Variants in MCC observed in about 807,000 individuals in gnomAD.
MCC encodes colorectal mutant cancer protein.
A neutral mutation model predicts 116.2 loss-of-function variants in MCC; 90 were observed. The ratio of observed to expected loss-of-function variants is 0.77; its 90% CI spans 0.65 to 0.92. The LOEUF is 0.92. Among genes scored for constraint, MCC ranks in the 40% least tolerant of loss-of-function variants. The pLI is 0.00. For synonymous variants in MCC, 578 were observed against 510.5 expected (o/e 1.13, Z -1.78); for missense variants, 1,516 against 1,312.2 (o/e 1.16, Z -2.40).
chr5:113,338,551 G>C (rs554698874), intron 3 of MCC, among the ~76,000 whole-genome samples: 1 of 152,198 alleles, frequency 6.6e-6, no homozygotes. Flanking sequence ...AAAACTGGTC[G>C]GCCATGAACC....
intron 6 of MCC, among the ~76,000 whole-genome samples, chr5:113,117,186 C>T (rs1305118838): frequency 6.6e-6 from 1 of 152,206 alleles, no homozygotes; most frequent in Non-Finnish European, 1.5e-5. Context: ...CTGCCCCGAC[C>T]CTCTCTCCTC....
chr5:113,067,900 G>T (rs1214534633), intron 13 of MCC, among the ~76,000 whole-genome samples, 180 bp downstream of exon 13: 1 of 152,230 alleles, frequency 6.6e-6, no homozygotes, highest in Non-Finnish European at 1.5e-5. Context: ...TTCCACTCCA[G>T]TTCTTGCTGC....
chr5:113,111,575 G>A (rs1296430657), intron 6 of MCC, among the ~76,000 whole-genome samples: 1 of 152,156 alleles, frequency 6.6e-6, no homozygotes, highest in East Asian at 1.9e-4. Context: ...TATAGTTCAA[G>A]TTTATTCCCA....
intron 3 of MCC, among the ~76,000 whole-genome samples, chr5:113,293,219 C>G (rs1766576483): frequency 6.6e-6 from 1 of 151,776 alleles, no homozygotes; most frequent in African/African-American, 2.4e-5. Context: ...CCCCTCTTTC[C>G]CATCACCAGG....
intron 1 of MCC, among the ~76,000 whole-genome samples, chr5:113,463,586 A>G (rs908406186): frequency 6.6e-6 from 1 of 152,210 alleles, no homozygotes; most frequent in African/African-American, 2.4e-5. Flanking sequence ...TCACTGAGAG[A>G]GCAAGCCTGG....
intron 17 of MCC, among the ~76,000 whole-genome samples, chr5:113,042,305 C>CAAAAAAA (rs59401267): frequency 5.6e-5 from 5 of 89,504 alleles, no homozygotes; most frequent in East Asian, 3.1e-4. Context: ...GACCCTGTCT[C>CAAAAAAA]AAAAAAAAAA....
chr5:113,457,501 A>G (rs1038213867), intron 1 of MCC, among the ~76,000 whole-genome samples: 1 of 152,172 alleles, frequency 6.6e-6, no homozygotes, highest in African/African-American at 2.4e-5. Context: ...ACCCAGTCCC[A>G]TCGATCACCC....
Position 113,199,853 on chromosome 5 carries a change from T to C in MCC, c.628-48431A>G, listed in dbSNP as rs537285730. 5.3e-5 allele frequency among the ~76,000 whole-genome samples: 8 copies of C among 152,340 alleles called. No individual in the cohort carries two copies. In the East Asian group the frequency reaches 1.5e-3, roughly 29 times the overall value. Reference sequence around the variant, plus strand: ...ATGAGTGACACCACTCCAAACATCCTGAACTTTCTGAAGACAACCCTGAAA... The same window carrying C: ...ATGAGTGACACCACTCCAAACATCCCGAACTTTCTGAAGACAACCCTGAAA... On this transcript the variant is annotated intron_variant, in intron 3 of 18. Coordinates refer to ENST00000408903, the MANE Select transcript of MCC (RefSeq NM_001085377.2).
intron 3 of MCC, among the ~76,000 whole-genome samples, chr5:113,213,114 G>T (rs1015189380): frequency 1.3e-5 from 2 of 152,126 alleles, no homozygotes; most frequent in South Asian, 2.1e-4. Context: ...CCAAAGTGTT[G>T]CTGTCACACG....
chr5:113,133,384 G>T (rs1285588726), intron 5 of MCC, among the ~76,000 whole-genome samples: 1 of 151,948 alleles, frequency 6.6e-6, no homozygotes, highest in Non-Finnish European at 1.5e-5. Context: ...AAGAACATGC[G>T]ATATTTGTCT....
At chr5:113,210,234 G>T (rs1164459038) in intron 3 of MCC, among the ~76,000 whole-genome samples, 1 of 151,986 alleles carries the variant, frequency 6.6e-6, no homozygotes, top group Non-Finnish European at 1.5e-5. Context: ...CTCTAACCAG[G>T]AATTACAGGG....
In MCC at chr5:113,064,101, G is replaced by A. The variant is rs775259238; in HGVS notation, c.2096C>T (p.Ala699Val). ...GAGCAGGGCCTTGGCAGCGTTCTCAGCTGTCTTCCGGCAGTCATGAGCTCG... is the reference window on the plus strand; with the variant it reads ...GAGCAGGGCCTTGGCAGCGTTCTCAACTGTCTTCCGGCAGTCATGAGCTCG... ...LKRAHDCRKT[A>V]ENAAKALLMK... The change falls in exon 14 of 19, where the codon GCT becomes GTT. Residue 699 changes from alanine (A) to valine (V), a missense_variant. Coordinates refer to ENST00000408903, the MANE Select transcript of MCC (RefSeq NM_001085377.2). 6.2e-7 allele frequency: 1 copy of A among 1,614,202 alleles called. No individual in the cohort carries two copies. Among genetic ancestry groups the A allele is most frequent in the South Asian group, 1.1e-5 (1 of 91,078 alleles).
chr5:113,214,410 G>A (rs766452843), intron 3 of MCC, among the ~76,000 whole-genome samples: 6 of 152,178 alleles, frequency 3.9e-5, no homozygotes, highest in Non-Finnish European at 7.3e-5. Context: ...CATTCGCTGC[G>A]CTCCTATACT....
chr5:113,042,428 T>C (rs1351315236), intron 17 of MCC, among the ~76,000 whole-genome samples: 1 of 144,432 alleles, frequency 6.9e-6, no homozygotes, highest in Non-Finnish European at 1.5e-5. Context: ...TGAGCTGTGA[T>C]TGTGTCACTG....
intron 3 of MCC, among the ~76,000 whole-genome samples, chr5:113,338,059 C>A (rs1163562845): frequency 6.6e-6 from 1 of 152,042 alleles, no homozygotes; most frequent in Non-Finnish European, 1.5e-5. Context: ...GAACTGGGGC[C>A]CAAAATGTAC....
rs140871118 is a variant in MCC at position 113,212,484 on chromosome 5, G to T, written c.628-61062C>A. ...GCCTCATCTCACACCGAAAAAAAAA[G>T]ATCTCACGTTGCAGACAGCTTCACT... On this transcript the variant is annotated intron_variant, in intron 3 of 18. Transcript: ENST00000408903. Among the ~76,000 whole-genome samples the T allele has an allele frequency of 2.6e-3, 393 of 152,040 alleles. 2 individuals carry two copies. Among genetic ancestry groups the T allele is most frequent in the African/African-American group, 9.0e-3 (373 of 41,474 alleles).
chr5:113,045,537 C>T (rs987962310), intron 16 of MCC, among the ~76,000 whole-genome samples: 6 of 152,146 alleles, frequency 3.9e-5, no homozygotes, highest in African/African-American at 7.2e-5. Flanking sequence ...CAGTGGCTCA[C>T]GCCTGTAATC....
At chr5:113,051,691 T>G (rs897456513) in intron 15 of MCC, among the ~76,000 whole-genome samples, 4 of 151,896 alleles carry the variant, frequency 2.6e-5, no homozygotes, top group African/African-American at 9.7e-5. Context: ...GTCACTGCAC[T>G]CCAGCCTGGG....
At chr5:113,180,094 C>T (rs1444634297) in intron 3 of MCC, among the ~76,000 whole-genome samples, 1 of 152,148 alleles carries the variant, frequency 6.6e-6, no homozygotes, top group Non-Finnish European at 1.5e-5. Context: ...CCTCCTCCCC[C>T]GATTTTAGGA....
Sources: gnomAD v4.1 joint callset for allele counts (sites outside exome capture counted in the v4.1 genomes callset) on GRCh38, gnomAD v4.1.1 for gene constraint, MANE v1.5 for transcripts, NCBI Gene and HGNC (gene_info 2026-07-23, HGNC 2026-07-21) for gene names.